Variants in TRAP1 observed in about 807,000 individuals in gnomAD.
TRAP1 encodes heat shock protein 75 kDa, mitochondrial.
In TRAP1, 102 loss-of-function variants were observed where a neutral mutation model predicts 89.1. That is an observed-to-expected ratio of 1.15 (90% confidence interval 0.98 to 1.35). The LOEUF is 1.35. Ranked by LOEUF, TRAP1 falls within the 40% of genes most tolerant of loss-of-function variation. TRAP1 has a pLI of 0.00. For missense variants in TRAP1, 1,256 were observed against 945.3 expected (o/e 1.33, Z -4.31); for synonymous variants, 508 against 388.0 (o/e 1.31, Z -3.64).
chr16:3,675,942 G>A (rs936966412), intron 7 of TRAP1, 94 bp downstream of exon 7: 25 of 1,120,994 alleles, frequency 2.2e-5, no homozygotes, highest in African/African-American at 1.4e-4. Flanking sequence ...TGCACCCTAC[G>A]TGCAGGTAGA....
chr16:3,669,892 G>A (rs1596706547), intron 11 of TRAP1, among the ~76,000 whole-genome samples: 1 of 148,544 alleles, frequency 6.7e-6, no homozygotes, highest in African/African-American at 2.5e-5. Context: ...ATGCACTGCA[G>A]TGTCATAACT....
intron 12 of TRAP1, 164 bp from the exon 13 acceptor site, chr16:3,664,623 T>G: frequency 1.4e-6 from 1 of 710,120 alleles, no homozygotes; most frequent in Non-Finnish European, 2.2e-6. Context: ...GAGCAGGCCT[T>G]GCTCTGCCCA....
Position 3,662,022 on chromosome 16 carries a change from T to C in TRAP1, c.1905A>G (p.Ala635=). The C allele has an allele frequency of 1.2e-6, 2 of 1,612,876 alleles. No homozygotes were observed. The highest frequency in any genetic ancestry group is 8.5e-7 in the Non-Finnish European group (1 of 1,179,848). Residue 635 remains alanine (A), a synonymous_variant, in exon 16 of 18, where the codon GCA becomes GCG. Coordinates refer to ENST00000246957, the MANE Select transcript of TRAP1 (RefSeq NM_016292.3). ...QQLAKTQEER[A]QLLQPTLEIN... ...TCTCCAGCGTGGGCTGCAGGAGCTG[T>C]GCGCGCTCCTCCTGGGTCTTGGCCA...
chr16:3,701,110 C>T (rs910098531), intron 1 of TRAP1, among the ~76,000 whole-genome samples: 2 of 152,082 alleles, frequency 1.3e-5, no homozygotes, highest in Non-Finnish European at 1.5e-5. Flanking sequence ...TGGAAAAATA[C>T]ATACCATCCA....
intron 16 of TRAP1, chr16:3,661,580 C>T (rs566662181): frequency 1.8e-5 from 3 of 170,996 alleles, no homozygotes; most frequent in African/African-American, 4.7e-5. Flanking sequence ...GGACATTATT[C>T]GGCTATGAAA....
chr16:3,684,089 C>A (rs989492614), intron 4 of TRAP1, among the ~76,000 whole-genome samples: 2 of 152,076 alleles, frequency 1.3e-5, no homozygotes, highest in African/African-American at 4.8e-5. Flanking sequence ...TCACTTAAAT[C>A]CGGGGGGCAG....
At chr16:3,673,500 A>G (rs2050943694) in intron 9 of TRAP1, among the ~76,000 whole-genome samples, 1 of 152,178 alleles carries the variant, frequency 6.6e-6, no homozygotes, top group Non-Finnish European at 1.5e-5. Flanking sequence ...TGCGGCGGGT[A>G]TCTAGTTCAA....
intron 1 of TRAP1, among the ~76,000 whole-genome samples, chr16:3,711,693 A>G (rs1195024327): frequency 1.3e-5 from 2 of 152,190 alleles, no homozygotes; most frequent in African/African-American, 4.8e-5. Flanking sequence ...TCTCCAAGCT[A>G]CAGCTTTTAT....
At position 3,674,513 on chromosome 16, in the gene TRAP1, G is replaced by A. The variant is rs199534312; in HGVS notation, c.889-19C>T. On this transcript the variant is annotated intron_variant, in intron 8 of 17. Transcript: ENST00000246957. ...AGATGGCCTGGAAACGGAGATCGGC[G>A]GGGAGGGCGTCGTGTTCACCACGCA... is the stretch of plus-strand genomic sequence containing the variant. 2.4e-4 allele frequency: 386 copies of A among 1,612,298 alleles called. 2 individuals are homozygous for A. In the East Asian group the frequency reaches 3.7e-3, roughly 15 times the overall value.
intron 12 of TRAP1, 41 bp from the exon 13 acceptor site, chr16:3,664,500 T>G: frequency 6.4e-7 from 1 of 1,569,666 alleles, no homozygotes; most frequent in Admixed American, 2.0e-5. Context: ...TCCAGGCCCA[T>G]GGGCTCAATG....
At chr16:3,665,687 G>A (rs1021065927) in intron 12 of TRAP1, among the ~76,000 whole-genome samples, 2 of 152,204 alleles carry the variant, frequency 1.3e-5, no homozygotes, top group Non-Finnish European at 2.9e-5. Flanking sequence ...GAGACAGTGT[G>A]TGCACGCCCT....
In TRAP1 at chr16:3,675,924, T is replaced by C. The variant is rs1190694409; in HGVS notation, c.814+112A>G. ...CCGCAGCGGCTCGGCCCTTCACGGC[T>C]CTGCCTGTGCACCCTACGTGCAGGT... On this transcript the variant is annotated intron_variant, in intron 7 of 17. Coordinates refer to ENST00000246957, the MANE Select transcript of TRAP1 (RefSeq NM_016292.3). The C allele has an allele frequency of 7.4e-6, 7 of 947,554 alleles. No homozygotes were observed. The Admixed American group carries it at 1.5e-4, about 21-fold the overall frequency. The allele number at this position is 947,554 out of a possible 1,614,324, so 58.7% of individuals were successfully genotyped here. A position where few individuals can be genotyped will look rare whatever the true frequency, so the allele number is the denominator to read the frequency against.
Position 3,663,035 on chromosome 16 carries a change from G to A in TRAP1, c.1709-68C>T, listed in dbSNP as rs567229292. 4.9e-5 allele frequency: 63 copies of A among 1,288,248 alleles called. No individual in the cohort carries two copies. The South Asian group carries it at 5.0e-4, about 10-fold the overall frequency. The allele number at this position is 1,288,248 out of a possible 1,614,324, so 79.8% of individuals were successfully genotyped here. On this transcript the variant is annotated intron_variant, in intron 14 of 17. Transcript: ENST00000246957. The stretch of plus-strand genomic sequence containing the variant: ...ACTCCCCGGCTTCCATGGGGGCCAC[G>A]CAGCATGCTTCCAGCTCCCACCTCC...
intron 17 of TRAP1, 142 bp from the exon 18 acceptor site, chr16:3,658,372 C>A: frequency 1.5e-6 from 1 of 688,052 alleles, no homozygotes; most frequent in East Asian, 2.7e-5. Flanking sequence ...GTGATCCCCC[C>A]GCCTCCCAAA....
chr16:3,701,561 A>C (rs1007280445), intron 1 of TRAP1, among the ~76,000 whole-genome samples: 7 of 147,718 alleles, frequency 4.7e-5, no homozygotes, highest in African/African-American at 1.6e-4. Context: ...AAAAAAAAAA[A>C]AAAAAAATAG....
At chr16:3,701,477 C>G (rs922885273) in intron 1 of TRAP1, among the ~76,000 whole-genome samples, 14 of 149,752 alleles carry the variant, frequency 9.3e-5, no homozygotes, top group African/African-American at 3.0e-4. Flanking sequence ...CGCTTGAACC[C>G]GAGGCAGAGG....
chr16:3,669,604 G>A (rs554948369), intron 11 of TRAP1, among the ~76,000 whole-genome samples: 1 of 152,082 alleles, frequency 6.6e-6, no homozygotes, highest in African/African-American at 2.4e-5. Context: ...GGAGGCCGAG[G>A]CAGGCAGATC....
intron 12 of TRAP1, chr16:3,664,907 G>A (rs530485257): frequency 1.2e-5 from 2 of 161,694 alleles, no homozygotes; most frequent in Admixed American, 6.5e-5. Context: ...GTGGGATTTG[G>A]AGAAGGGCCC....
intron 2 of TRAP1, 50 bp from the exon 3 acceptor site, chr16:3,689,187 T>C (rs781328153): frequency 6.7e-7 from 1 of 1,492,610 alleles, no homozygotes; most frequent in Non-Finnish European, 9.3e-7. Context: ...TCTATTTTTG[T>C]GCAAGAATAC....
Sources: gnomAD v4.1 joint callset for allele counts (sites outside exome capture counted in the v4.1 genomes callset) on GRCh38, gnomAD v4.1.1 for gene constraint, MANE v1.5 for transcripts, NCBI Gene and HGNC (gene_info 2026-07-23, HGNC 2026-07-21) for gene names.